The following MAPKAPK2 variants were observed in gnomAD, a reference collection of about 807,000 sequenced individuals.
MAPKAPK2 encodes MAPK activated protein kinase 2.
MAPKAPK2 carries 9 observed loss-of-function variants against 48.8 expected under a neutral mutation model. The ratio of observed to expected loss-of-function variants is 0.18; its 90% CI spans 0.11 to 0.32. The LOEUF is 0.32. MAPKAPK2 is among the 10% of genes least tolerant of loss of function. MAPKAPK2 has a pLI of 1.00. For missense variants in MAPKAPK2, 331 were observed against 498.3 expected, an observed-to-expected ratio of 0.66 and a Z score of 3.20; for synonymous variants, 202 against 190.6, an observed-to-expected ratio of 1.06 and a Z score of -0.49.
intron 1 of MAPKAPK2, among the ~76,000 whole-genome samples, chr1:206,701,830 C>CAAAAA (rs1553427942): frequency 2.2e-4 from 18 of 80,216 alleles, no homozygotes; most frequent in Admixed American, 4.5e-4. Context: ...GACCCTGTCT[C>CAAAAA]TAAAAAAAAA....
intron 1 of MAPKAPK2, chr1:206,695,766 CT>C: frequency 1.4e-5 from 3 of 212,682 alleles, no homozygotes; most frequent in Non-Finnish European, 2.6e-5. Flanking sequence ...ATCTCTCTCT[CT>C]CTCTCTTTTT....
intron 1 of MAPKAPK2, among the ~76,000 whole-genome samples, chr1:206,703,638 C>T (rs1173065777): frequency 6.6e-6 from 1 of 152,220 alleles, no homozygotes; most frequent in African/African-American, 2.4e-5. Flanking sequence ...ATGCAGCACA[C>T]ACTTGTATTC....
chr1:206,695,777 T>C (rs1332687869), intron 1 of MAPKAPK2: 2 of 274,012 alleles, frequency 7.3e-6, no homozygotes, highest in South Asian at 9.1e-5. Flanking sequence ...TCTCTCTTTT[T>C]TTTTTTAACA....
rs1558590908 is a variant in MAPKAPK2 at position 206,732,897 on chromosome 1, G to T, written c.*179G>T. On this transcript the variant is annotated 3_prime_UTR_variant, in exon 10 of 10. Coordinates refer to ENST00000367103, the MANE Select transcript of MAPKAPK2 (RefSeq NM_032960.4). The surrounding 1 kb of genome is among the most constrained non-coding windows in gnomAD (Gnocchi z 4.4). ...TTCTGGCCACCCCAGAGTGGGAGAG[G>T]CTGGGAGGTTGGGAGGCTGTGGAGA... 2 of 695,260 alleles carry T rather than the reference G, an allele frequency of 2.9e-6. No homozygotes were observed. The highest frequency in any genetic ancestry group is 1.8e-5 in the African/African-American group (1 of 55,380). The allele number at this position is 695,260 out of a possible 1,614,324, so 43.1% of individuals were successfully genotyped here. A position where few individuals can be genotyped will look rare whatever the true frequency, so the allele number is the denominator to read the frequency against.
chr1:206,701,709 A>C (rs1422770609), intron 1 of MAPKAPK2, among the ~76,000 whole-genome samples: 2 of 151,542 alleles, frequency 1.3e-5, no homozygotes, highest in Non-Finnish European at 2.9e-5. Context: ...TGGCGTACAC[A>C]CATGGTTCGA....
chr1:206,691,622 G>T (rs1672462419), intron 1 of MAPKAPK2, among the ~76,000 whole-genome samples: 1 of 151,708 alleles, frequency 6.6e-6, no homozygotes, highest in African/African-American at 2.4e-5. Flanking sequence ...TTTGTATGCT[G>T]CTAACAAGTT....
At chr1:206,729,529 C>A in intron 4 of MAPKAPK2, 54 bp downstream of exon 4, 2 of 1,462,872 alleles carry the variant, frequency 1.4e-6, no homozygotes, top group Non-Finnish European at 1.9e-6. Context: ...AACAAAGGGG[C>A]TGTGGCCACC....
intron 1 of MAPKAPK2, among the ~76,000 whole-genome samples, chr1:206,718,983 A>G (rs1272254384): frequency 6.7e-6 from 1 of 150,340 alleles, no homozygotes; most frequent in East Asian, 1.9e-4. Context: ...AAACATTAAA[A>G]TTTTTTTTTT....
At chr1:206,689,784 C>T (rs1553426033) in intron 1 of MAPKAPK2, among the ~76,000 whole-genome samples, 1 of 152,202 alleles carries the variant, frequency 6.6e-6, no homozygotes, top group African/African-American at 2.4e-5. Context: ...AAATCAGTTG[C>T]TAGCCACACT....
At chr1:206,703,902 C>T (rs1672872800) in intron 1 of MAPKAPK2, among the ~76,000 whole-genome samples, 1 of 152,226 alleles carries the variant, frequency 6.6e-6, no homozygotes, top group Admixed American at 6.5e-5. Flanking sequence ...GCTAAAGAGG[C>T]AGAGGCTTCT....
At chr1:206,694,485 G>A (rs1173086173) in intron 1 of MAPKAPK2, among the ~76,000 whole-genome samples, 1 of 152,196 alleles carries the variant, frequency 6.6e-6, no homozygotes, top group Non-Finnish European at 1.5e-5. Context: ...AGGAGCCCCT[G>A]TCCTCAGAAT....
intron 1 of MAPKAPK2, among the ~76,000 whole-genome samples, chr1:206,697,339 C>T (rs1234045539): frequency 6.6e-6 from 1 of 152,186 alleles, no homozygotes; most frequent in African/African-American, 2.4e-5. Flanking sequence ...TGTATTAGTC[C>T]ATTTTGTGTT....
rs1162194502 is a variant in MAPKAPK2 at position 206,715,397 on chromosome 1, G to A, written c.280-13313G>A. On this transcript the variant is annotated intron_variant, in intron 1 of 9. Coordinates refer to ENST00000367103, the MANE Select transcript of MAPKAPK2 (RefSeq NM_032960.4). ...TGTCCTGGCTCATGGGCAGTTGCTC[G>A]TGTCTTTGCACACATCCTTTACTGT... Among the ~76,000 whole-genome samples the A allele has an allele frequency of 3.3e-5, 5 of 152,262 alleles. No individual in the cohort carries two copies. The South Asian group carries it at 6.2e-4, about 19-fold the overall frequency.
chr1:206,705,438 A>G (rs1672925143), intron 1 of MAPKAPK2, among the ~76,000 whole-genome samples: 1 of 152,228 alleles, frequency 6.6e-6, no homozygotes, highest in Non-Finnish European at 1.5e-5. Context: ...CTGGAGGGCC[A>G]GGCTGCCGAG....
intron 1 of MAPKAPK2, chr1:206,695,940 A>T: frequency 1.5e-6 from 1 of 675,212 alleles, no homozygotes; most frequent in Non-Finnish European, 2.7e-6. Flanking sequence ...CCTGAGGGCC[A>T]CCTGGGCCCC....
chr1:206,731,229 C>T lies in MAPKAPK2; in HGVS notation c.859C>T (p.Pro287Ser). 1 of 1,614,196 alleles carries T rather than the reference C, an allele frequency of 6.2e-7. No homozygotes were observed. The highest frequency in any genetic ancestry group is 8.5e-7 in the Non-Finnish European group (1 of 1,180,036). The change falls in exon 7 of 10, where the codon CCC becomes TCC. Residue 287 changes from proline to serine, a missense_variant. By Grantham distance (74) the Pro-to-Ser change is moderately conservative (BLOSUM62 -1). This residue lies in a region of MAPKAPK2 where 124 missense variants were observed against 194.6 expected (regional missense o/e 0.64). Coordinates refer to ENST00000367103, the MANE Select transcript of MAPKAPK2 (RefSeq NM_032960.4). The surrounding 1 kb of genome is among the most constrained non-coding windows in gnomAD (Gnocchi z 5.9). ...CATCCGAATGGGCCAGTATGAATTT[C>T]CCAACCCAGAATGGTCAGAAGTATC... is the stretch of plus-strand genomic sequence containing the variant. ...TRIRMGQYEF[P>S]NPEWSEVSEE... is the part of the protein sequence containing the mutation.
intron 1 of MAPKAPK2, among the ~76,000 whole-genome samples, chr1:206,723,132 T>G (rs1673588191): frequency 6.6e-6 from 1 of 152,188 alleles, no homozygotes; most frequent in African/African-American, 2.4e-5. Flanking sequence ...TGCGCCCAGC[T>G]TAGGTGGTGT....
rs1553432393 is a variant in MAPKAPK2 at position 206,730,006 on chromosome 1, A to G, written c.599A>G (p.Asn200Ser). ...CTCTTATACACCTCCAAAAGGCCCA[A>G]CGCCATCCTGAAACTCACTGACTTT... ...ENLLYTSKRPNAILKLTDFGF... is the reference protein window; with the variant it reads ...ENLLYTSKRPSAILKLTDFGF... Residue 200 changes from asparagine to serine, a missense_variant, in exon 5 of 10, where the codon AAC becomes AGC. Physicochemically the swap from Asn to Ser is conservative, Grantham distance 46 (BLOSUM62 1). Transcript: ENST00000367103. 1.5e-5 allele frequency: 24 copies of G among 1,614,208 alleles called. No homozygotes were observed. The highest frequency in any genetic ancestry group is 2.2e-5 in the East Asian group (1 of 44,878).
chr1:206,701,998 G>T (rs1345896355), intron 1 of MAPKAPK2, among the ~76,000 whole-genome samples: 2 of 152,208 alleles, frequency 1.3e-5, no homozygotes, highest in Middle Eastern at 6.8e-3. Flanking sequence ...GTGTCTAGTT[G>T]AATCCAAGAC....
Sources: gnomAD v4.1 joint callset for allele counts (sites outside exome capture counted in the v4.1 genomes callset) on GRCh38, gnomAD v4.1.1 for gene constraint, gnomAD v4.1.1 regional missense constraint, Gnocchi (gnomAD v3.1) non-coding constraint, MANE v1.5 for transcripts, NCBI Gene and HGNC (gene_info 2026-07-23, HGNC 2026-07-21) for gene names.